The following SMIM13 variants were observed in gnomAD, a reference collection of about 807,000 sequenced individuals.
SMIM13 encodes UPF0766 protein C6orf228.
In SMIM13, 3 loss-of-function variants were observed where a neutral mutation model predicts 5.9. That is an observed-to-expected ratio of 0.51 (90% CI 0.23 to 1.31). The LOEUF (loss-of-function observed/expected upper bound fraction) is 1.31. SMIM13 is among the 40% of genes most tolerant of loss of function. The probability of loss-of-function intolerance (pLI) is 0.18; values close to 1 mark genes in which losing one functional copy is unlikely to be tolerated. For synonymous variants in SMIM13, 55 were observed against 46.0 expected (o/e 1.19, Z -0.79); for missense variants, 85 against 109.9 (o/e 0.77, Z 1.01).
chr6:11,116,852 A>G (rs1410731777), intron 1 of SMIM13, among the ~76,000 whole-genome samples: 1 of 151,772 alleles, frequency 6.6e-6, no homozygotes, highest in Non-Finnish European at 1.5e-5. Flanking sequence ...GTATATCTAT[A>G]TATCTTTCCT....
At chr6:11,104,188 T>C (rs768358480) in intron 1 of SMIM13, 1 of 1,551,596 alleles carries the variant, frequency 6.4e-7, no homozygotes. Context: ...GAAGCTTTTG[T>C]GATTCCAGCA....
chr6:11,104,686 G>A (rs754173224), intron 1 of SMIM13: 10 of 1,614,120 alleles, frequency 6.2e-6, no homozygotes, highest in Non-Finnish European at 8.5e-6. Context: ...TAATCAGCAG[G>A]CCGGAACCAG....
At chr6:11,122,839 A>C (rs976751891) in intron 1 of SMIM13, among the ~76,000 whole-genome samples, 2 of 152,074 alleles carry the variant, frequency 1.3e-5, no homozygotes, top group African/African-American at 4.8e-5. Flanking sequence ...CTATTGTCTA[A>C]TAAAGGTAGA....
chr6:11,108,275 C>G (rs184734487), intron 1 of SMIM13, among the ~76,000 whole-genome samples: 5 of 152,306 alleles, frequency 3.3e-5, no homozygotes, highest in African/African-American at 1.2e-4. Flanking sequence ...AGCAGGCAGC[C>G]CTCATGTCCA....
intron 1 of SMIM13, among the ~76,000 whole-genome samples, chr6:11,100,120 G>T (rs1757972122): frequency 6.6e-6 from 1 of 151,920 alleles, no homozygotes; most frequent in Admixed American, 6.6e-5. Flanking sequence ...GAGTCCAGTG[G>T]CGTGATCTCG....
chr6:11,094,773 A>T lies in SMIM13; in HGVS notation c.76+384A>T, dbSNP rs1377137181. Among the ~76,000 whole-genome samples the T allele has an allele frequency of 6.6e-5, 10 of 152,130 alleles. No homozygotes were observed. In the East Asian group the frequency reaches 1.9e-3, roughly 29 times the overall value. ...CACAGATTCTGACCTTAATAATGAG[A>T]GGTGTCACCTTCGTTTCATCAGCGA... On this transcript the variant is annotated intron_variant, in intron 1 of 1. Coordinates refer to ENST00000416247, the MANE Select transcript of SMIM13 (RefSeq NM_001135575.2).
chr6:11,104,567 C>T (rs1169944197), intron 1 of SMIM13: 1 of 1,607,236 alleles, frequency 6.2e-7, no homozygotes, highest in Non-Finnish European at 8.5e-7. Flanking sequence ...GTGTTTGGCT[C>T]TGGTTAGCTC....
chr6:11,094,194 A>T lies in SMIM13; in HGVS notation c.-120A>T, dbSNP rs1478982163. 2 of 285,768 alleles carry T rather than the reference A, an allele frequency of 7.0e-6. No homozygotes were observed. The highest frequency in any genetic ancestry group is 2.3e-5 in the African/African-American group (1 of 43,678). The allele number at this position is 285,768 out of a possible 1,614,324, so 17.7% of individuals were successfully genotyped here. A position where few individuals can be genotyped will look rare whatever the true frequency, so the allele number is the denominator to read the frequency against. Reference sequence around the variant, plus strand: ...GCTGCCGAGGGGGCGCCAGCCGCCCATGCCGCCCCGGCGCCCAGCCGCGCC... The same window carrying T: ...GCTGCCGAGGGGGCGCCAGCCGCCCTTGCCGCCCCGGCGCCCAGCCGCGCC... On this transcript the variant is annotated 5_prime_UTR_variant, in exon 1 of 2. An upstream start codon of the reference 5' UTR is lost. Coordinates refer to ENST00000416247, the MANE Select transcript of SMIM13 (RefSeq NM_001135575.2).
chr6:11,097,305 C>T (rs1757938368), intron 1 of SMIM13, among the ~76,000 whole-genome samples: 1 of 152,188 alleles, frequency 6.6e-6, no homozygotes, highest in African/African-American at 2.4e-5. Flanking sequence ...ACATCAGTCG[C>T]TGGATTATGG....
rs1279255030 is a variant in SMIM13 at position 11,109,273 on chromosome 6, TC to T, written c.76+14887del. 1.4e-4 allele frequency among the ~76,000 whole-genome samples: 22 copies of T among 152,308 alleles called. No individual in the cohort carries two copies. In the East Asian group the frequency reaches 4.3e-3, roughly 29 times the overall value. On this transcript the variant is annotated intron_variant, in intron 1 of 1. Transcript: ENST00000416247. Reference sequence around the variant, plus strand: ...TATTTGTCAGGGTCCTCCATAAACTTCCCTAGTTCCATTTTAATTTGGCTCA... The same window carrying T: ...TATTTGTCAGGGTCCTCCATAAACTTCCTAGTTCCATTTTAATTTGGCTCA...
Position 11,094,251 on chromosome 6 carries a change from G to GCCGCCCGCGCTCA in SMIM13, c.-57_-45dup. The stretch of plus-strand genomic sequence containing the variant: ...CCGCCGCTGAAGCGCAGGACGCGCC[G>GCCGCCCGCGCTCA]CCGCCCGCGCTCACCGCCGTCCGCG... On this transcript the variant is annotated 5_prime_UTR_variant, in exon 1 of 2. Transcript: ENST00000416247. 9.4e-7 allele frequency: 1 copy of GCCGCCCGCGCTCA among 1,063,442 alleles called. No homozygotes were observed. The highest frequency in any genetic ancestry group is 4.3e-5 in the East Asian group (1 of 23,420). 65.9% of individuals were successfully genotyped at this position (1,063,442 alleles called of 1,614,324 possible).
At chr6:11,100,378 T>A (rs765332641) in intron 1 of SMIM13, among the ~76,000 whole-genome samples, 1 of 152,228 alleles carries the variant, frequency 6.6e-6, no homozygotes, top group Non-Finnish European at 1.5e-5. Flanking sequence ...TACATTGTTA[T>A]GTGCCCCCTA....
chr6:11,118,645 G>A (rs577289117), intron 1 of SMIM13, among the ~76,000 whole-genome samples: 33 of 152,302 alleles, frequency 2.2e-4, no homozygotes, highest in African/African-American at 7.9e-4. Flanking sequence ...TGAGGTAATA[G>A]TATTGTAGAA....
chr6:11,134,764 C>A lies in SMIM13; in HGVS notation c.*162C>A. 2.1e-6 allele frequency: 1 copy of A among 487,580 alleles called. No homozygotes were observed. Among genetic ancestry groups the A allele is most frequent in the Non-Finnish European group, 3.5e-6 (1 of 285,474 alleles). 30.2% of individuals were successfully genotyped at this position (487,580 alleles called of 1,614,324 possible). A position where few individuals can be genotyped will look rare whatever the true frequency, so the allele number is the denominator to read the frequency against. On this transcript the variant is annotated 3_prime_UTR_variant, in exon 2 of 2. Transcript: ENST00000416247. ...ATATAAAAATAAAGGGAACTGAAACCAAATTGGACTATTATAAATTTCATC... is the reference window on the plus strand; with the variant it reads ...ATATAAAAATAAAGGGAACTGAAACAAAATTGGACTATTATAAATTTCATC...
At chr6:11,104,249 G>A in intron 1 of SMIM13, 1 of 1,551,722 alleles carries the variant, frequency 6.4e-7, no homozygotes, top group Non-Finnish European at 8.7e-7. Flanking sequence ...GAAGGGGAAT[G>A]AAATGGATTG....
chr6:11,098,092 A>G (rs895249199), intron 1 of SMIM13, among the ~76,000 whole-genome samples: 1 of 152,122 alleles, frequency 6.6e-6, no homozygotes, highest in East Asian at 1.9e-4. Flanking sequence ...TTGAGTGTCT[A>G]CCAGGAACTG....
At chr6:11,134,317 T>C in intron 1 of SMIM13, 86 bp from the exon 2 acceptor site, 1 of 880,978 alleles carries the variant, frequency 1.1e-6, no homozygotes, top group Non-Finnish European at 1.7e-6. Flanking sequence ...TAGTATTTTG[T>C]AATATACCCC....
chr6:11,107,360 G>C lies in SMIM13; in HGVS notation c.76+12971G>C, dbSNP rs187732084. Among the ~76,000 whole-genome samples the C allele has an allele frequency of 1.6e-3, 242 of 152,318 alleles. 1 individual carries two copies. Among genetic ancestry groups the C allele is most frequent in the African/African-American group, 5.4e-3 (223 of 41,574 alleles). On this transcript the variant is annotated intron_variant, in intron 1 of 1. Transcript: ENST00000416247. ...TATTCTCTGTCTGCAAGGAAGTTTG[G>C]TGTTTGGACTAGATGTTGGATTCCC...
chr6:11,125,248 T>C (rs1010031481), intron 1 of SMIM13, among the ~76,000 whole-genome samples: 4 of 147,032 alleles, frequency 2.7e-5, no homozygotes, highest in African/African-American at 1.0e-4. Context: ...TGAGTCGAGA[T>C]TGCGCTACTG....
Sources: allele counts gnomAD v4.1 joint callset (sites outside exome capture counted in the v4.1 genomes callset), GRCh38; gene constraint gnomAD v4.1.1; transcripts MANE v1.5; gene names NCBI Gene and HGNC (gene_info 2026-07-23, HGNC 2026-07-21).